The following LYRM4 variants were observed in gnomAD, a reference collection of about 807,000 sequenced individuals.
LYRM4 encodes LYR motif containing 4, also known as LYR motif-containing protein 4.
LYRM4 carries 9 observed loss-of-function variants against 11.7 expected under a neutral mutation model. The ratio of observed to expected loss-of-function variants is 0.77; its 90% CI spans 0.46 to 1.34. LYRM4 has a LOEUF of 1.34. Among genes scored for constraint, LYRM4 ranks in the 40% most tolerant of loss-of-function variants. The pLI is 0.00. For synonymous variants in LYRM4, 42 were observed against 40.4 expected, an observed-to-expected ratio of 1.04 and a Z score of -0.15; for missense variants, 133 against 112.5, an observed-to-expected ratio of 1.18 and a Z score of -0.82.
the LYRM4 span, among the ~76,000 whole-genome samples, chr6:5,068,368 C>T: frequency 1.3e-5 from 2 of 152,200 alleles, no homozygotes; most frequent in Non-Finnish European, 2.9e-5. This position sits in a 1 kb window ranked among gnomAD's most constrained non-coding sequence, Gnocchi z 4.0. Context: ...GCCAGCACGC[C>T]GGCCCCTCAC....
At chr6:5,124,504 T>G (rs57686024) in intron 2 of LYRM4, among the ~76,000 whole-genome samples, 15,950 of 152,284 alleles carry the variant, frequency 0.1, 938 homozygotes, top group South Asian at 0.23. Context: ...CTTTTGCCTA[T>G]GCCTCCGACT....
chr6:5,053,991 G>T, the LYRM4 span: 1 of 241,600 alleles, frequency 4.1e-6, no homozygotes, highest in Non-Finnish European at 6.7e-6. Flanking sequence ...TAACACCTGT[G>T]CTCTTGCTGA....
intron 1 of LYRM4, among the ~76,000 whole-genome samples, chr6:5,220,067 C>T (rs1762495895): frequency 6.6e-6 from 1 of 152,198 alleles, no homozygotes; most frequent in Non-Finnish European, 1.5e-5. Context: ...GGCTTTCCTT[C>T]TCCACCCCAG....
At chr6:5,182,418 T>C (rs930989373) in intron 2 of LYRM4, among the ~76,000 whole-genome samples, 1 of 152,262 alleles carries the variant, frequency 6.6e-6, no homozygotes, top group African/African-American at 2.4e-5. Flanking sequence ...AAATTGGTTA[T>C]AGAAATATAA....
At chr6:5,060,118 C>G in the LYRM4 span, among the ~76,000 whole-genome samples, 13 of 152,344 alleles carry the variant, frequency 8.5e-5, no homozygotes, top group South Asian at 4.1e-4. Flanking sequence ...CTGGTCTTTT[C>G]CTGTTACTAA....
the LYRM4 span, among the ~76,000 whole-genome samples, chr6:5,096,726 A>T: frequency 6.6e-6 from 1 of 152,312 alleles, no homozygotes; most frequent in African/African-American, 2.4e-5. Context: ...CTCCTGCCTA[A>T]TATAGATTGT....
chr6:5,112,183 AG>A, intron 2 of LYRM4, among the ~76,000 whole-genome samples: 1 of 152,290 alleles, frequency 6.6e-6, no homozygotes, highest in Middle Eastern at 3.4e-3. Flanking sequence ...TCCTCTTTGC[AG>A]CCACCTGGGC....
intron 1 of LYRM4, among the ~76,000 whole-genome samples, chr6:5,247,414 T>C (rs1764244265): frequency 1.3e-5 from 2 of 152,240 alleles, no homozygotes; most frequent in African/African-American, 4.8e-5. Context: ...CTGCAAGGAA[T>C]TGCTTTCTCA....
At chr6:5,245,748 T>G (rs1422958332) in intron 1 of LYRM4, among the ~76,000 whole-genome samples, 3 of 152,154 alleles carry the variant, frequency 2.0e-5, no homozygotes, top group Admixed American at 1.3e-4. Flanking sequence ...AGTGTCACTG[T>G]GGAAACGTGT....
chr6:5,212,653 C>G (rs1762044779), intron 2 of LYRM4, among the ~76,000 whole-genome samples: 1 of 152,188 alleles, frequency 6.6e-6, no homozygotes, highest in Non-Finnish European at 1.5e-5. Flanking sequence ...GCTGGCTTTA[C>G]AGAATCATCT....
intron 2 of LYRM4, among the ~76,000 whole-genome samples, chr6:5,179,227 T>C (rs1368291075): frequency 6.6e-6 from 1 of 152,232 alleles, no homozygotes; most frequent in Admixed American, 6.5e-5. Context: ...CCTATTCATG[T>C]ATTTTTTAAA....
chr6:5,178,830 A>AAC (rs1759883856), intron 2 of LYRM4, among the ~76,000 whole-genome samples: 1 of 148,478 alleles, frequency 6.7e-6, no homozygotes, highest in Non-Finnish European at 1.5e-5. Flanking sequence ...AAAAAAAAAA[A>AAC]AAAGAGTTTC....
intron 2 of LYRM4, among the ~76,000 whole-genome samples, chr6:5,158,900 T>C (rs920254819): frequency 6.6e-6 from 1 of 151,944 alleles, no homozygotes; most frequent in African/African-American, 2.4e-5. Context: ...TGCCTAGCAG[T>C]TTGAGAGGGA....
chr6:5,101,083 G>T (rs144112750), downstream of LYRM4, among the ~76,000 whole-genome samples: 46 of 152,056 alleles, frequency 3.0e-4, 2 homozygotes, highest in African/African-American at 1.1e-3. Flanking sequence ...CATCGCTGCC[G>T]TACATCGCTG....
chr6:5,130,981 A>C (rs1395901034), intron 2 of LYRM4, among the ~76,000 whole-genome samples: 1 of 152,234 alleles, frequency 6.6e-6, no homozygotes, highest in Non-Finnish European at 1.5e-5. Context: ...TCCATCAGCC[A>C]TAATATGAAA....
At chr6:5,222,046 T>C (rs1469411668) in intron 1 of LYRM4, among the ~76,000 whole-genome samples, 1 of 152,168 alleles carries the variant, frequency 6.6e-6, no homozygotes, top group Non-Finnish European at 1.5e-5. Context: ...CAAGGATCAT[T>C]TGAAGGTCAC....
chr6:5,131,682 C>A (rs181499442), intron 2 of LYRM4, among the ~76,000 whole-genome samples: 76 of 152,068 alleles, frequency 5.0e-4, no homozygotes, highest in Admixed American at 8.5e-4. Context: ...ATATTTTAAT[C>A]TCTTCTATGG....
At chr6:5,132,008 A>T (rs1763977839) in intron 2 of LYRM4, among the ~76,000 whole-genome samples, 1 of 152,176 alleles carries the variant, frequency 6.6e-6, no homozygotes, top group African/African-American at 2.4e-5. Context: ...AGCAGATCCT[A>T]ACTTTTAACT....
intron 2 of LYRM4, among the ~76,000 whole-genome samples, chr6:5,193,180 TAAC>T (rs1313980808): frequency 1.3e-5 from 2 of 151,874 alleles, no homozygotes; most frequent in African/African-American, 4.8e-5. Flanking sequence ...ACAACAAAAG[TAAC>T]AACAAGGAAA....
Sources: gnomAD v4.1 joint callset for allele counts (sites outside exome capture counted in the v4.1 genomes callset) on GRCh38, gnomAD v4.1.1 for gene constraint, Gnocchi (gnomAD v3.1) non-coding constraint, MANE v1.5 for transcripts, NCBI Gene and HGNC (gene_info 2026-07-23, HGNC 2026-07-21) for gene names.